The following BBOX1 variants were observed in gnomAD, a reference collection of about 807,000 sequenced individuals.
The protein encoded by BBOX1 is gamma-butyrobetaine hydroxylase 1.
In BBOX1, 35 loss-of-function variants were observed where a neutral mutation model predicts 41.6. The ratio of observed to expected loss-of-function variants is 0.84; its 90% confidence interval spans 0.64 to 1.11. BBOX1 has a LOEUF of 1.11. BBOX1 is among the 50% of genes most tolerant of loss of function. The probability of loss-of-function intolerance (pLI) is 0.00; values close to 1 mark genes in which losing one functional copy is unlikely to be tolerated. For missense variants in BBOX1, 458 were observed against 460.6 expected (o/e 0.99, Z 0.05); for synonymous variants, 163 against 154.7 (o/e 1.05, Z -0.40).
At chr11:27,073,966 G>A (rs1207958922) in intron 4 of BBOX1, among the ~76,000 whole-genome samples, 1 of 152,026 alleles carries the variant, frequency 6.6e-6, no homozygotes. Context: ...TAATGTAAAT[G>A]ACGAGTTAAT....
At chr11:27,066,349 G>A (rs1407234218) in intron 4 of BBOX1, 1 of 152,140 alleles carries the variant, frequency 6.6e-6, no homozygotes, top group Non-Finnish European at 1.5e-5. Flanking sequence ...CAAAAGTAAA[G>A]TTGGAATACT....
chr11:27,105,733 AT>A (rs1858842741), intron 5 of BBOX1, among the ~76,000 whole-genome samples: 1 of 152,148 alleles, frequency 6.6e-6, no homozygotes, highest in African/African-American at 2.4e-5. Context: ...TTCAGGAAAT[AT>A]AGAGAACACC....
intron 4 of BBOX1, among the ~76,000 whole-genome samples, chr11:27,079,823 A>T (rs1358097943): frequency 6.6e-6 from 1 of 152,110 alleles, no homozygotes; most frequent in Non-Finnish European, 1.5e-5. Context: ...TGGCAACTCC[A>T]TCTCTCCAGT....
chr11:27,077,544 GTGAAT>G, intron 4 of BBOX1, among the ~76,000 whole-genome samples: 1 of 150,138 alleles, frequency 6.7e-6, no homozygotes, highest in Non-Finnish European at 1.5e-5. Context: ...AGTTCACAGT[GTGAAT>G]CTCTACACAC....
At chr11:27,069,713 T>A (rs1235320660) in intron 4 of BBOX1, among the ~76,000 whole-genome samples, 1 of 152,100 alleles carries the variant, frequency 6.6e-6, no homozygotes, top group African/African-American at 2.4e-5. Flanking sequence ...TTTTAACTTT[T>A]AAGTTATGCC....
chr11:27,057,396 TCAAA>T (rs1857018131), intron 4 of BBOX1, 81 bp downstream of exon 4: 2 of 1,147,080 alleles, frequency 1.7e-6, no homozygotes, highest in Non-Finnish European at 2.5e-6. Flanking sequence ...CACAGAAAAT[TCAAA>T]CCTTTGTGCT....
chr11:27,119,374 C>T (rs1027942977), intron 6 of BBOX1, among the ~76,000 whole-genome samples: 2 of 151,906 alleles, frequency 1.3e-5, no homozygotes, highest in Non-Finnish European at 2.9e-5. Context: ...CATTATCATG[C>T]CTGCATCTAT....
At chr11:27,063,824 T>G (rs1387573185) in intron 4 of BBOX1, among the ~76,000 whole-genome samples, 6 of 151,690 alleles carry the variant, frequency 4.0e-5, no homozygotes, top group Non-Finnish European at 5.9e-5. Context: ...AAATAACTGT[T>G]AGGACCCTCT....
At chr11:27,107,939 A>G (rs932434620) in intron 5 of BBOX1, among the ~76,000 whole-genome samples, 6 of 152,128 alleles carry the variant, frequency 3.9e-5, no homozygotes, top group African/African-American at 1.4e-4. Context: ...CAAGGTAGAA[A>G]GGTAAAGCAG....
intron 2 of BBOX1, among the ~76,000 whole-genome samples, chr11:27,043,723 T>C (rs1250290399): frequency 6.6e-6 from 1 of 152,166 alleles, no homozygotes; most frequent in Non-Finnish European, 1.5e-5. Flanking sequence ...GATAGTTTGC[T>C]GAGAATGATG....
intron 4 of BBOX1, among the ~76,000 whole-genome samples, chr11:27,069,464 T>C (rs1312999471): frequency 6.6e-6 from 1 of 152,090 alleles, no homozygotes; most frequent in Admixed American, 6.5e-5. Flanking sequence ...AATCTAGAAG[T>C]CTTTTGGAGG....
At chr11:27,075,343 A>C (rs1857597843) in intron 4 of BBOX1, among the ~76,000 whole-genome samples, 1 of 152,152 alleles carries the variant, frequency 6.6e-6, no homozygotes. Flanking sequence ...TTGGAATAGC[A>C]GAGGTCTCTT....
intron 7 of BBOX1, among the ~76,000 whole-genome samples, chr11:27,121,876 A>G (rs1387702672): frequency 1.3e-5 from 2 of 152,172 alleles, no homozygotes; most frequent in African/African-American, 2.4e-5. Context: ...ATAGCTATAG[A>G]TAAGATTAAC....
At chr11:27,109,435 G>A (rs1034066347) in intron 5 of BBOX1, among the ~76,000 whole-genome samples, 2 of 152,030 alleles carry the variant, frequency 1.3e-5, no homozygotes, top group African/African-American at 4.8e-5. Flanking sequence ...AGGCTTTGAA[G>A]CCAGTACCGT....
intron 4 of BBOX1, among the ~76,000 whole-genome samples, chr11:27,083,351 T>A (rs143542739): frequency 6.6e-6 from 1 of 152,068 alleles, no homozygotes; most frequent in Non-Finnish European, 1.5e-5. Flanking sequence ...CATGAAGAAC[T>A]TACAATCTAG....
intron 4 of BBOX1, among the ~76,000 whole-genome samples, chr11:27,078,655 G>C (rs1857719491): frequency 1.3e-5 from 2 of 152,126 alleles, no homozygotes; most frequent in Admixed American, 1.3e-4. Flanking sequence ...ACAGGGAGAG[G>C]AACATCACAC....
Position 27,080,832 on chromosome 11 carries a change from G to A in BBOX1, c.335-12336G>A, listed in dbSNP as rs991153676. On this transcript the variant is annotated intron_variant, in intron 4 of 8. Transcript: ENST00000263182. ...AACATGTAAGTTAGAGTTAACTAGA[G>A]ATTACAATAAAATCAGTCATCCTCA... Among the ~76,000 whole-genome samples the A allele has an allele frequency of 5.3e-5, 8 of 152,128 alleles. No individual in the cohort carries two copies. The East Asian group carries it at 1.3e-3, about 26-fold the overall frequency.
chr11:27,082,566 G>T (rs565347276), intron 4 of BBOX1, among the ~76,000 whole-genome samples: 1 of 152,226 alleles, frequency 6.6e-6, no homozygotes, highest in African/African-American at 2.4e-5. Context: ...CAGTCAAATT[G>T]TGTGGGAATC....
chr11:27,094,059 G>T (rs892519673), intron 5 of BBOX1, among the ~76,000 whole-genome samples: 1 of 151,956 alleles, frequency 6.6e-6, no homozygotes, highest in Non-Finnish European at 1.5e-5. Context: ...TGGGCCCTGA[G>T]AAATTAAAAT....
Sources: gnomAD v4.1 joint callset for allele counts (sites outside exome capture counted in the v4.1 genomes callset) on GRCh38, gnomAD v4.1.1 for gene constraint, MANE v1.5 for transcripts, NCBI Gene and HGNC (gene_info 2026-07-23, HGNC 2026-07-21) for gene names.